Variants in ENOX1 observed in about 807,000 individuals in gnomAD.
The protein encoded by ENOX1 is ecto-NOX disulfide-thiol exchanger 1.
Under a neutral mutation model 82.5 loss-of-function variants are expected in ENOX1, and 42 were observed. The ratio of observed to expected loss-of-function variants is 0.51; its 90% CI spans 0.40 to 0.66. The LOEUF (loss-of-function observed/expected upper bound fraction) is 0.66, where lower values mean the gene tolerates loss of function less well. Among genes scored for constraint, ENOX1 ranks in the 30% least tolerant of loss-of-function variants. The pLI, the probability that ENOX1 is intolerant of heterozygous loss-of-function variation, is 0.00. For missense variants in ENOX1, 608 were observed against 811.6 expected (o/e 0.75, Z 3.05); for synonymous variants, 271 against 282.2 (o/e 0.96, Z 0.40).
At chr13:43,322,548 C>A in intron 10 of ENOX1, 47 bp from the exon 11 acceptor site, 1 of 1,506,352 alleles carries the variant, frequency 6.6e-7, no homozygotes. Context: ...ACACATATGG[C>A]TTTCCCCAAT....
chr13:43,623,606 G>A (rs759504447), intron 2 of ENOX1, among the ~76,000 whole-genome samples: 54 of 152,056 alleles, frequency 3.6e-4, no homozygotes, highest in Non-Finnish European at 7.2e-4. Context: ...GGTATCCCGG[G>A]TCCACTTCCT....
chr13:43,358,514 C>T (rs757072655), intron 7 of ENOX1, among the ~76,000 whole-genome samples: 1 of 152,098 alleles, frequency 6.6e-6, no homozygotes, highest in Non-Finnish European at 1.5e-5. Flanking sequence ...TTTCTTGGTA[C>T]AGCTGTGATT....
chr13:43,529,292 G>A (rs1446223172), intron 2 of ENOX1, among the ~76,000 whole-genome samples: 1 of 151,950 alleles, frequency 6.6e-6, no homozygotes, highest in Non-Finnish European at 1.5e-5. Context: ...CCTCTCAGTT[G>A]CTAAATCAAC....
At chr13:43,630,826 T>C (rs894106211) in intron 2 of ENOX1, among the ~76,000 whole-genome samples, 5 of 149,276 alleles carry the variant, frequency 3.3e-5, no homozygotes, top group South Asian at 2.1e-4. Context: ...CATTTATATA[T>C]ACATACAACC....
chr13:43,457,519 A>G (rs2057287551), intron 3 of ENOX1, among the ~76,000 whole-genome samples: 1 of 152,144 alleles, frequency 6.6e-6, no homozygotes, highest in Non-Finnish European at 1.5e-5. Flanking sequence ...AGAAAGCAGA[A>G]AGGGAGGGAG....
At chr13:43,317,188 T>C (rs182341728) in intron 11 of ENOX1, among the ~76,000 whole-genome samples, 4 of 152,338 alleles carry the variant, frequency 2.6e-5, no homozygotes, top group African/African-American at 9.6e-5. Flanking sequence ...AATTCTCTTG[T>C]CCCTCTGCCA....
At chr13:43,753,044 G>C (rs889645828) in intron 1 of ENOX1, among the ~76,000 whole-genome samples, 1 of 152,002 alleles carries the variant, frequency 6.6e-6, no homozygotes, top group Non-Finnish European at 1.5e-5. Flanking sequence ...ATTTTTAGTA[G>C]AGACAGGGTT....
chr13:43,337,800 T>C lies in ENOX1; in HGVS notation c.1036+6738A>G, dbSNP rs530693028. The stretch of plus-strand genomic sequence containing the variant: ...CAAACTGTACAAGGAGCCAAGAGTC[T>C]TGGTTCTAAACTGCCCATAAACTAC... On this transcript the variant is annotated intron_variant, in intron 9 of 16. Transcript: ENST00000690772. Among the ~76,000 whole-genome samples, 21 of 152,234 alleles carry C rather than the reference T, an allele frequency of 1.4e-4. No homozygotes were observed. The South Asian group carries it at 4.4e-3, about 32-fold the overall frequency.
chr13:43,357,205 G>C (rs1480138364), intron 7 of ENOX1, among the ~76,000 whole-genome samples: 1 of 152,110 alleles, frequency 6.6e-6, no homozygotes, highest in Non-Finnish European at 1.5e-5. Flanking sequence ...TTCCAGTATG[G>C]GGGCTTTGCA....
At chr13:43,338,676 G>GT (rs71099830) in intron 9 of ENOX1, among the ~76,000 whole-genome samples, 16,641 of 81,418 alleles carry the variant, frequency 0.2, 4,021 homozygotes, top group Non-Finnish European at 0.26. Flanking sequence ...TTCAGGTTGG[G>GT]TTTTTTTTTT....
At chr13:43,440,507 G>GT (rs1287642215) in intron 3 of ENOX1, among the ~76,000 whole-genome samples, 1 of 151,778 alleles carries the variant, frequency 6.6e-6, no homozygotes, top group Non-Finnish European at 1.5e-5. Context: ...TTGAATGTGA[G>GT]TTTTTTTAAC....
intron 2 of ENOX1, among the ~76,000 whole-genome samples, chr13:43,489,014 T>G (rs771295881): frequency 3.4e-4 from 52 of 152,166 alleles, no homozygotes; most frequent in Non-Finnish European, 6.3e-4. Context: ...AGAATAAAAA[T>G]TAAGTGCGTT....
chr13:43,608,391 T>C (rs2082059860), intron 2 of ENOX1, among the ~76,000 whole-genome samples: 1 of 152,218 alleles, frequency 6.6e-6, no homozygotes, highest in South Asian at 2.1e-4. Context: ...AGATCATTTC[T>C]TCCCTCAAGG....
intron 2 of ENOX1, among the ~76,000 whole-genome samples, chr13:43,639,991 T>C (rs2083568637): frequency 6.6e-6 from 1 of 152,186 alleles, no homozygotes; most frequent in Admixed American, 6.5e-5. Context: ...ATCGCATCAC[T>C]GCACTCCAGC....
intron 12 of ENOX1, among the ~76,000 whole-genome samples, chr13:43,279,399 T>A (rs1476421596): frequency 6.6e-6 from 1 of 152,146 alleles, no homozygotes; most frequent in African/African-American, 2.4e-5. Flanking sequence ...AAGCCTTCTA[T>A]CCTTACAACT....
intron 14 of ENOX1, among the ~76,000 whole-genome samples, chr13:43,248,204 G>T (rs2043251107): frequency 6.6e-6 from 1 of 151,652 alleles, no homozygotes; most frequent in African/African-American, 2.4e-5. Context: ...ATTTTTAAAA[G>T]AAAAAATATA....
chr13:43,602,788 A>G (rs1258662787), intron 2 of ENOX1, among the ~76,000 whole-genome samples: 1 of 152,198 alleles, frequency 6.6e-6, no homozygotes, highest in Non-Finnish European at 1.5e-5. Flanking sequence ...CTAAGTATCC[A>G]GTAGCCAAAA....
intron 14 of ENOX1, among the ~76,000 whole-genome samples, chr13:43,245,049 A>G (rs1466076411): frequency 6.6e-6 from 1 of 152,192 alleles, no homozygotes; most frequent in Non-Finnish European, 1.5e-5. Context: ...TATGATTAGA[A>G]CTGTGGTTGG....
At chr13:43,646,983 A>T (rs1183227963) in intron 2 of ENOX1, among the ~76,000 whole-genome samples, 1 of 152,228 alleles carries the variant, frequency 6.6e-6, no homozygotes, top group Non-Finnish European at 1.5e-5. Flanking sequence ...AAGGAAGCAG[A>T]AGCTTCTTAC....
Sources: allele counts gnomAD v4.1 joint callset (sites outside exome capture counted in the v4.1 genomes callset), GRCh38; gene constraint gnomAD v4.1.1; transcripts MANE v1.5; gene names NCBI Gene and HGNC (gene_info 2026-07-23, HGNC 2026-07-21).